KIAA2012: variants seen among roughly 807,000 people sequenced by gnomAD.
The protein encoded by KIAA2012 is KIAA2012, also known as uncharacterized protein KIAA2012.
Under a neutral mutation model 150.6 loss-of-function variants are expected in KIAA2012, and 125 were observed. The ratio of observed to expected loss-of-function variants is 0.83; its 90% CI spans 0.72 to 0.96. The LOEUF (loss-of-function observed/expected upper bound fraction) is 0.96, where lower values mean the gene tolerates loss of function less well. Ranked by LOEUF, KIAA2012 falls within the 40% of genes least tolerant of loss-of-function variation. KIAA2012 has a pLI of 0.00. For synonymous variants in KIAA2012, 462 were observed against 504.7 expected (o/e 0.92, Z 1.13); for missense variants, 1,219 against 1,354.9 (o/e 0.90, Z 1.57).
In KIAA2012 at chr2:202,073,600, C is replaced by T. The variant is rs908590820; in HGVS notation, c.-28C>T. 6.5e-6 allele frequency: 10 copies of T among 1,547,096 alleles called. No individual in the cohort carries two copies. Among genetic ancestry groups the T allele is most frequent in the Non-Finnish European group, 8.7e-6 (10 of 1,144,848 alleles). Reference sequence around the variant, plus strand: ...AGCCTTCAAAACCAAGATGGACTGCCCTTGAGAAGGGGTGGTCAGAGGGAA... The same window carrying T: ...AGCCTTCAAAACCAAGATGGACTGCTCTTGAGAAGGGGTGGTCAGAGGGAA... On this transcript the variant is annotated 5_prime_UTR_variant, in exon 1 of 24. Coordinates refer to ENST00000498697, the MANE Select transcript of KIAA2012 (RefSeq NM_001277372.4).
At chr2:202,191,458 T>C (rs1268512173) in intron 19 of KIAA2012, among the ~76,000 whole-genome samples, 2 of 151,992 alleles carry the variant, frequency 1.3e-5, no homozygotes, top group African/African-American at 4.8e-5. Flanking sequence ...GGCAGGAGCA[T>C]TGCTTGAGAT....
At chr2:202,085,630 A>T (rs143245290) in intron 2 of KIAA2012, among the ~76,000 whole-genome samples, 36 of 152,326 alleles carry the variant, frequency 2.4e-4, no homozygotes, top group African/African-American at 7.9e-4. Context: ...CCCATTTTGA[A>T]CTTCTAACCT....
chr2:202,175,437 A>G (rs1006331964), intron 15 of KIAA2012, among the ~76,000 whole-genome samples: 11 of 152,248 alleles, frequency 7.2e-5, no homozygotes. Context: ...AAAAATTCAC[A>G]TGCTGAAACC....
chr2:202,145,386 C>A (rs1407857059), intron 13 of KIAA2012, among the ~76,000 whole-genome samples: 1 of 152,112 alleles, frequency 6.6e-6, no homozygotes. Flanking sequence ...ACTTTGTCTG[C>A]CCCAAAACGC....
Position 202,154,751 on chromosome 2 carries a change from T to C in KIAA2012, c.1987T>C (p.Ser663Pro). ...TTGTATAAATAAAGCGCTGATATGTTCAAACAGAAAAGAATTTTACACGCG... is the reference window on the plus strand; with the variant it reads ...TTGTATAAATAAAGCGCTGATATGTCCAAACAGAAAAGAATTTTACACGCG... ...QSCINKALIC[S>P]NRKEFYTRKL... The change falls in exon 14 of 24, where the codon TCA becomes CCA. Residue 663 changes from serine to proline, a missense_variant. Transcript: ENST00000498697. 6.5e-7 allele frequency: 1 copy of C among 1,550,280 alleles called. No homozygotes were observed. Among genetic ancestry groups the C allele is most frequent in the Non-Finnish European group, 8.7e-7 (1 of 1,146,916 alleles).
rs1299336299 is a variant in KIAA2012, at chr2:202,097,546, A to C, written c.797A>C (p.Gln266Pro). 6.5e-7 allele frequency: 1 copy of C among 1,549,752 alleles called. No individual in the cohort carries two copies. The highest frequency in any genetic ancestry group is 2.4e-5 in the East Asian group (1 of 40,902). ...QGTRLPPRRK[Q>P]PWQEDETQAE... ...ACTCGCTTGCCACCACGCAGGAAGC[A>C]GCCCTGGCAGGAAGATGAAACGCAG... The change falls in exon 5 of 24, where the codon CAG becomes CCG. Residue 266 changes from glutamine to proline, a missense_variant. Gln to Pro is a moderately conservative substitution (Grantham distance 76). Coordinates refer to ENST00000498697, the MANE Select transcript of KIAA2012 (RefSeq NM_001277372.4).
At chr2:202,141,346 G>C (rs1473789994) in intron 13 of KIAA2012, among the ~76,000 whole-genome samples, 5 of 152,088 alleles carry the variant, frequency 3.3e-5, no homozygotes, top group Non-Finnish European at 5.9e-5. Context: ...ACTGATATCA[G>C]CAACTTCCTA....
intron 15 of KIAA2012, among the ~76,000 whole-genome samples, chr2:202,171,115 AC>A (rs1691878405): frequency 3.4e-4 from 1 of 2,944 alleles, no homozygotes; most frequent in Non-Finnish European, 2.3e-3. Context: ...GAAATACTAC[AC>A]ACACACACAC....
intron 23 of KIAA2012, among the ~76,000 whole-genome samples, 185 bp downstream of exon 23, chr2:202,202,772 A>C (rs551854890): frequency 3.3e-5 from 5 of 152,084 alleles, no homozygotes; most frequent in Admixed American, 1.3e-4. Flanking sequence ...TTATAAAAAA[A>C]CATTTAAATT....
chr2:202,137,733 T>C (rs1235142842), intron 12 of KIAA2012: 1 of 152,220 alleles, frequency 6.6e-6, no homozygotes, highest in Admixed American at 6.5e-5. Context: ...ACCTCACTAG[T>C]GGTACAACTT....
At chr2:202,129,559 G>C (rs1177405096) in intron 12 of KIAA2012, among the ~76,000 whole-genome samples, 1 of 151,978 alleles carries the variant, frequency 6.6e-6, no homozygotes, top group African/African-American at 2.4e-5. Context: ...TTGGTCATTT[G>C]GTTTTAATTA....
intron 4 of KIAA2012, among the ~76,000 whole-genome samples, chr2:202,093,845 C>G (rs555197230): frequency 6.6e-6 from 1 of 152,232 alleles, no homozygotes; most frequent in Admixed American, 6.5e-5. Context: ...CAATATTATT[C>G]TATGGAACTT....
chr2:202,175,405 G>A (rs748851726), intron 15 of KIAA2012, among the ~76,000 whole-genome samples: 2 of 152,146 alleles, frequency 1.3e-5, no homozygotes, highest in Non-Finnish European at 2.9e-5. Flanking sequence ...TAGTTGTCAT[G>A]GTCTGAATGT....
rs1173021328 is a variant in KIAA2012 at position 202,129,450 on chromosome 2, C to T, written c.1831+4168C>T. ...GGCCAGGCTGGTCTCGAACTCCTGACCTCAGGTGATCCACCCGCCTCGGCC... is the reference window on the plus strand; with the variant it reads ...GGCCAGGCTGGTCTCGAACTCCTGATCTCAGGTGATCCACCCGCCTCGGCC... On this transcript the variant is annotated intron_variant, in intron 12 of 23. Transcript: ENST00000498697. 5.9e-5 allele frequency among the ~76,000 whole-genome samples: 9 copies of T among 152,082 alleles called. No homozygotes were observed. The East Asian group carries it at 1.7e-3, about 29-fold the overall frequency.
intron 22 of KIAA2012, chr2:202,201,881 G>T: frequency 8.7e-7 from 1 of 1,143,210 alleles, no homozygotes; most frequent in Non-Finnish European, 1.3e-6. Flanking sequence ...GACCTTTGCT[G>T]TTCATGGTGG....
chr2:202,183,121 A>G (rs2105740187), intron 15 of KIAA2012, among the ~76,000 whole-genome samples: 1 of 152,212 alleles, frequency 6.6e-6, no homozygotes, highest in East Asian at 1.9e-4. Context: ...TCCTCATAAG[A>G]TAACATTTGT....
intron 12 of KIAA2012, among the ~76,000 whole-genome samples, chr2:202,130,912 T>C (rs1690913827): frequency 6.8e-6 from 1 of 147,706 alleles, no homozygotes; most frequent in East Asian, 1.9e-4. Flanking sequence ...CGAGACTCCA[T>C]CTCAAAAATA....
intron 9 of KIAA2012, among the ~76,000 whole-genome samples, chr2:202,107,244 T>G (rs367744187): frequency 6.6e-6 from 1 of 151,378 alleles, no homozygotes; most frequent in African/African-American, 2.4e-5. Context: ...AAAAAAAAAA[T>G]AAAAAAAGAA....
At chr2:202,090,258 C>T (rs1043945977) in intron 2 of KIAA2012, among the ~76,000 whole-genome samples, 1 of 128,526 alleles carries the variant, frequency 7.8e-6, no homozygotes, top group Non-Finnish European at 1.7e-5. Flanking sequence ...CTGACTTTGG[C>T]AGATAGGTTC....
Sources: allele counts gnomAD v4.1 joint callset (sites outside exome capture counted in the v4.1 genomes callset), GRCh38; gene constraint gnomAD v4.1.1; transcripts MANE v1.5; gene names NCBI Gene and HGNC (gene_info 2026-07-23, HGNC 2026-07-21).